The following KIAA1328 variants were observed in gnomAD, a reference collection of about 807,000 sequenced individuals.
The protein encoded by KIAA1328 is protein hinderin.
KIAA1328 carries 52 observed loss-of-function variants against 68.1 expected under a neutral mutation model. That is an observed-to-expected ratio of 0.76 (90% confidence interval 0.61 to 0.96). The LOEUF is 0.96. KIAA1328 is among the 40% of genes least tolerant of loss of function. The pLI is 0.00. For missense variants in KIAA1328, 641 were observed against 677.6 expected (o/e 0.95, Z 0.60); for synonymous variants, 232 against 239.4 (o/e 0.97, Z 0.28).
In KIAA1328 at chr18:36,893,750, T is replaced by TAGAAGACTATAGAGCTGCTATA. The variant is rs1328170191; in HGVS notation, c.448+8078_448+8079insAGAAGACTATAGAGCTGCTATA. 1.7e-4 allele frequency among the ~76,000 whole-genome samples: 26 copies of TAGAAGACTATAGAGCTGCTATA among 152,190 alleles called. No homozygotes were observed. The East Asian group carries it at 5.0e-3, about 29-fold the overall frequency. On this transcript the variant is annotated intron_variant, in intron 5 of 9. Transcript: ENST00000280020. ...TTAGAAGTAGAGAATAGAGCTGCTA[T>TAGAAGACTATAGAGCTGCTATA]GAGACTATAGAAGTTGACAGAGGAG...
chr18:37,172,320 A>C (rs2059516131), intron 8 of KIAA1328, among the ~76,000 whole-genome samples: 1 of 152,190 alleles, frequency 6.6e-6, no homozygotes, highest in Non-Finnish European at 1.5e-5. Flanking sequence ...TAAAATAAAA[A>C]CAATATTTCT....
At chr18:37,074,334 A>G (rs1397028651) in intron 7 of KIAA1328, among the ~76,000 whole-genome samples, 1 of 152,114 alleles carries the variant, frequency 6.6e-6, no homozygotes, top group Non-Finnish European at 1.5e-5. Flanking sequence ...CTTTTACAGT[A>G]TTCTTATGTT....
At chr18:36,930,744 C>G (rs1041011942) in intron 5 of KIAA1328, among the ~76,000 whole-genome samples, 3 of 151,818 alleles carry the variant, frequency 2.0e-5, no homozygotes, top group Non-Finnish European at 2.9e-5. Context: ...AAAGTAGATC[C>G]TAGTTACAGG....
intron 7 of KIAA1328, among the ~76,000 whole-genome samples, chr18:37,101,083 A>G (rs969467607): frequency 6.6e-6 from 1 of 152,196 alleles, no homozygotes; most frequent in Non-Finnish European, 1.5e-5. Flanking sequence ...AACAGAGCAG[A>G]AAACGAAACT....
intron 6 of KIAA1328, among the ~76,000 whole-genome samples, chr18:37,065,064 G>T (rs2056297080): frequency 6.6e-6 from 1 of 152,236 alleles, no homozygotes; most frequent in African/African-American, 2.4e-5. Context: ...TTCTCTTGCA[G>T]CATTGAGCAA....
At chr18:36,896,145 G>A (rs17652454) in intron 5 of KIAA1328, among the ~76,000 whole-genome samples, 20,699 of 152,056 alleles carry the variant, frequency 0.14, 1,758 homozygotes, top group Admixed American at 0.18. Flanking sequence ...GTGGAGGGTA[G>A]TGTTTCTAAT....
chr18:37,088,569 T>TTAA (rs1279879842), intron 7 of KIAA1328, among the ~76,000 whole-genome samples: 1 of 151,984 alleles, frequency 6.6e-6, no homozygotes, highest in Non-Finnish European at 1.5e-5. Context: ...ATTTTTTAAT[T>TTAA]TAATTTTTTT....
chr18:37,189,522 T>C (rs1024887101), intron 9 of KIAA1328, among the ~76,000 whole-genome samples: 1 of 152,212 alleles, frequency 6.6e-6, no homozygotes, highest in Non-Finnish European at 1.5e-5. Context: ...CTAAGAAATA[T>C]ATTCATGTAG....
rs1180642911 is a variant in KIAA1328, at chr18:36,830,828, G to C, written c.58+1632G>C. On this transcript the variant is annotated intron_variant, in intron 1 of 9. Transcript: ENST00000280020. ...AATTGTACAGGGGAAAAATGGTGGC[G>C]ATTATATCCTATAAGATCTAATTCA... Among the ~76,000 whole-genome samples the C allele has an allele frequency of 3.9e-5, 6 of 152,156 alleles. No individual in the cohort carries two copies. In the East Asian group the frequency reaches 1.2e-3, roughly 29 times the overall value.
At chr18:36,948,221 C>T (rs750490056) in intron 5 of KIAA1328, among the ~76,000 whole-genome samples, 11 of 149,960 alleles carry the variant, frequency 7.3e-5, no homozygotes, top group South Asian at 4.2e-4. Context: ...GTTTGAAGAT[C>T]GGAAGTAGAA....
chr18:37,055,340 A>G (rs2055867265), intron 6 of KIAA1328, among the ~76,000 whole-genome samples: 1 of 152,226 alleles, frequency 6.6e-6, no homozygotes. Context: ...TCTTATAAAT[A>G]ATTCATGAAT....
chr18:37,231,935 T>C (rs1256392377), downstream of KIAA1328: 1 of 152,198 alleles, frequency 6.6e-6, no homozygotes, highest in Admixed American at 6.5e-5. Flanking sequence ...CCCATTGGGA[T>C]GGGATGAACT....
At chr18:36,917,789 C>T (rs547079531) in intron 5 of KIAA1328, among the ~76,000 whole-genome samples, 2 of 152,266 alleles carry the variant, frequency 1.3e-5, no homozygotes, top group South Asian at 4.1e-4. Flanking sequence ...TCTGATTTAA[C>T]AACAGATAAG....
At chr18:37,055,173 C>T (rs1224545289) in intron 6 of KIAA1328, among the ~76,000 whole-genome samples, 1 of 152,168 alleles carries the variant, frequency 6.6e-6, no homozygotes, top group African/African-American at 2.4e-5. Flanking sequence ...GAGCTTAAAC[C>T]TCCTGGGCCC....
intron 9 of KIAA1328, among the ~76,000 whole-genome samples, chr18:37,194,981 A>G (rs1309858168): frequency 6.6e-6 from 1 of 152,094 alleles, no homozygotes; most frequent in Non-Finnish European, 1.5e-5. Flanking sequence ...TTATTGATAT[A>G]TCATAGTTGT....
At chr18:37,211,278 G>T (rs1463272394) in intron 9 of KIAA1328, among the ~76,000 whole-genome samples, 1 of 152,172 alleles carries the variant, frequency 6.6e-6, no homozygotes, top group Non-Finnish European at 1.5e-5. Flanking sequence ...CACTTGCTCT[G>T]TGACTCCATT....
intron 4 of KIAA1328, among the ~76,000 whole-genome samples, chr18:36,873,854 C>T (rs1429876382): frequency 1.3e-5 from 2 of 152,150 alleles, no homozygotes; most frequent in Non-Finnish European, 2.9e-5. Context: ...CATCTCCCTA[C>T]AGGCCACAGT....
At chr18:37,088,793 C>T (rs1011506182) in intron 7 of KIAA1328, among the ~76,000 whole-genome samples, 1 of 151,760 alleles carries the variant, frequency 6.6e-6, no homozygotes, top group African/African-American at 2.4e-5. Flanking sequence ...TCATAAACCA[C>T]CTTAAAAATT....
intron 7 of KIAA1328, among the ~76,000 whole-genome samples, chr18:37,067,948 G>T (rs1397226869): frequency 6.6e-6 from 1 of 152,102 alleles, no homozygotes; most frequent in African/African-American, 2.4e-5. Flanking sequence ...AGAACCAGAG[G>T]TTTTTCTGGA....
Sources: allele counts gnomAD v4.1 joint callset (sites outside exome capture counted in the v4.1 genomes callset), GRCh38; gene constraint gnomAD v4.1.1; transcripts MANE v1.5; gene names NCBI Gene and HGNC (gene_info 2026-07-23, HGNC 2026-07-21).